The following MED23 variants were observed in gnomAD, a reference collection of about 807,000 sequenced individuals.
The protein encoded by MED23 is mediator complex subunit 23, also known as mediator of RNA polymerase II transcription subunit 23.
In MED23, 105 loss-of-function variants were observed where a neutral mutation model predicts 163.9. That is an observed-to-expected ratio of 0.64 (90% CI 0.55 to 0.75). The LOEUF (loss-of-function observed/expected upper bound fraction) is 0.75. Among genes scored for constraint, MED23 ranks in the 30% least tolerant of loss-of-function variants. MED23 has a pLI of 0.00. For missense variants in MED23, 1,054 were observed against 1,649.0 expected (o/e 0.64, Z 6.25); for synonymous variants, 561 against 565.6 (o/e 0.99, Z 0.12).
At chr6:131,625,063 G>T in intron 3 of MED23, 74 bp from the exon 4 acceptor site, 7 of 1,425,588 alleles carry the variant, frequency 4.9e-6, no homozygotes, top group Non-Finnish European at 6.9e-6. Flanking sequence ...TACTACAACT[G>T]GAAGTATACC....
chr6:131,574,316 G>T lies in MED23; in HGVS notation c.4096-21C>A, dbSNP rs372616951. 308 of 1,613,856 alleles carry T rather than the reference G, an allele frequency of 1.9e-4. No homozygotes were observed. The Middle Eastern group carries it at 3.5e-3, about 18-fold the overall frequency. On this transcript the variant is annotated intron_variant, in intron 30 of 30. Coordinates refer to the MED23 transcript ENST00000354577. ...TTTTACTGCAAAACAAATTGAGAGAGGCCAGAGGTTAGAGGCCCAAACTGC... is the reference window on the plus strand; with the variant it reads ...TTTTACTGCAAAACAAATTGAGAGATGCCAGAGGTTAGAGGCCCAAACTGC...
chr6:131,624,651 G>A (rs953849641), intron 4 of MED23, among the ~76,000 whole-genome samples: 1 of 152,152 alleles, frequency 6.6e-6, no homozygotes, highest in Non-Finnish European at 1.5e-5. Flanking sequence ...TTCAGCCCCT[G>A]GGCAGAAACA....
At chr6:131,584,832 C>T (rs922502640), downstream of MED23, among the ~76,000 whole-genome samples, 86 of 151,162 alleles carry the variant, frequency 5.7e-4, no homozygotes, top group Non-Finnish European at 8.8e-5. Context: ...CACACACACA[C>T]ACACACACAC....
rs1322037739 is a variant in MED23, at chr6:131,623,458, C to G, written c.289G>C (p.Val97Leu). The G allele has an allele frequency of 1.1e-5, 18 of 1,613,396 alleles. 1 individual carries two copies. The highest frequency in any genetic ancestry group is 1.4e-5 in the Non-Finnish European group (16 of 1,179,486). The part of the protein sequence containing the change: ...VETGLLPPRL[V>L]CESLINSDTL... ...TCAGAGTTTATCAGGGATTCACAAA[C>G]CAGCCTATAAAAAAAGAAATAGCCA... is the stretch of plus-strand genomic sequence containing the variant. The change falls in exon 5 of 29, where the codon GTT (valine) becomes CTT (leucine). Residue 97 changes from valine to leucine, a missense_variant. Around this residue, in one of 11 missense-constraint regions of MED23, gnomAD observed 227 missense variants for 235.5 expected, o/e 0.96. Coordinates refer to ENST00000368068, the MANE Select transcript of MED23 (RefSeq NM_004830.4).
Position 131,604,127 on chromosome 6 carries a change from A to G in MED23, c.1756+51T>C. On this transcript the variant is annotated intron_variant, in intron 15 of 28. Transcript: ENST00000368068. ...CCCCAGGACCTAGAAAAGTAACTTT[A>G]GAGTTAATGAATGGGTTAATAGTTA... The G allele has an allele frequency of 2.5e-6, 4 of 1,598,032 alleles. No individual in the cohort carries two copies. The South Asian group carries it at 4.4e-5, about 18-fold the overall frequency.
rs1161818885 is a variant in MED23, at chr6:131,624,850, A to C, written c.284+15T>G. 6.2e-7 allele frequency: 1 copy of C among 1,613,606 alleles called. No individual in the cohort carries two copies. The highest frequency in any genetic ancestry group is 8.5e-7 in the Non-Finnish European group (1 of 1,179,888). On this transcript the variant is annotated intron_variant, in intron 4 of 28. Transcript: ENST00000368068. ...AAAGAAAATTCTTCAGATTGCTCAT[A>C]CCCATTAAACGTACCTGGGTGGAAG... is the stretch of plus-strand genomic sequence containing the variant.
rs138100494 is a variant in MED23, at chr6:131,598,401, T to C, written c.2493A>G (p.Val831=). The C allele has an allele frequency of 2.8e-5, 45 of 1,614,056 alleles. No individual in the cohort carries two copies. The highest frequency in any genetic ancestry group is 6.7e-5 in the African/African-American group (5 of 74,932). Residue 831 remains valine, a synonymous_variant, in exon 20 of 29, where the codon GTA becomes GTG. Coordinates refer to ENST00000368068, the MANE Select transcript of MED23 (RefSeq NM_004830.4). The surrounding 1 kb of genome is among the most constrained non-coding windows in gnomAD (Gnocchi z 4.7). ...CCCCTGCTGATGTAGAAAACTCATATACCAGGAAATCTGCAAATGTCCTCA... is the reference window on the plus strand; with the variant it reads ...CCCCTGCTGATGTAGAAAACTCATACACCAGGAAATCTGCAAATGTCCTCA... The part of the protein sequence containing the change: ...AHVRTFADFL[V]YEFSTSAGGQ...
rs1267947134 is a variant in MED23, at chr6:131,594,191, G to A, written c.3140C>T (p.Thr1047Ile). The A allele has an allele frequency of 1.2e-6, 2 of 1,614,050 alleles. No homozygotes were observed. Among genetic ancestry groups the A allele is most frequent in the South Asian group, 1.1e-5 (1 of 91,086 alleles). Residue 1047 changes from threonine to isoleucine, a missense_variant, in exon 23 of 29, where the codon ACT (threonine) becomes ATT (isoleucine). By Grantham distance (89) the Thr-to-Ile change is moderately conservative. Transcript: ENST00000368068. The part of the protein sequence containing the change: ...NRPQGWCLSD[T>I]YLKCAMNARE... Reference sequence around the variant, plus strand: ...TGCATTCATAGCGCATTTCAGGTAAGTGTCACTTAGACACCAGCCCTGCGG... The same window carrying A: ...TGCATTCATAGCGCATTTCAGGTAAATGTCACTTAGACACCAGCCCTGCGG...
downstream of MED23, chr6:131,586,703 G>A: frequency 7.3e-7 from 1 of 1,372,390 alleles, no homozygotes; most frequent in South Asian, 1.4e-5. Flanking sequence ...ACACCACCTG[G>A]CACACAGCCG....
At chr6:131,593,437 A>G (rs1774801571) in intron 23 of MED23, among the ~76,000 whole-genome samples, 2 of 152,210 alleles carry the variant, frequency 1.3e-5, no homozygotes, top group South Asian at 4.1e-4. Flanking sequence ...CCTAGGTTTC[A>G]TGAGCCTATT....
chr6:131,609,506 C>CTTTTTTTTT (rs71030751), intron 11 of MED23, among the ~76,000 whole-genome samples: 3 of 98,016 alleles, frequency 3.1e-5, no homozygotes, highest in African/African-American at 4.5e-5. Flanking sequence ...GAGACTATTC[C>CTTTTTTTTT]TTTTTTTTTT....
At chr6:131,627,351 A>C in intron 3 of MED23, 45 bp downstream of exon 3, 76 of 1,177,126 alleles carry the variant, frequency 6.5e-5, no homozygotes, top group Non-Finnish European at 8.5e-5. Context: ...AAAAAAGAAG[A>C]GGCCAAAAAT....
At chr6:131,574,279 T>A (rs764610587) in exon 31 of MED23, 5 of 1,614,004 alleles carry the variant, frequency 3.1e-6, no homozygotes, top group Non-Finnish European at 4.2e-6. Flanking sequence ...ACCCTTGCTG[T>A]GTACTCTGAC....
In MED23 at chr6:131,596,071, C is replaced by A. The variant is rs1775020915; in HGVS notation, c.2871G>T (p.Gly957=). The change falls in exon 22 of 29, where the codon GGG becomes GGT. Residue 957 remains glycine (G), a synonymous_variant. Coordinates refer to ENST00000368068, the MANE Select transcript of MED23 (RefSeq NM_004830.4). ...IQSPYLPIYF[G]NVCLRFLPVF... The stretch of plus-strand genomic sequence containing the variant: ...CTGGAAGGAATCGAAGACACACATT[C>A]CCAAAATAGATGGGCAGATAGGGAG... 6.2e-7 allele frequency: 1 copy of A among 1,613,968 alleles called. No homozygotes were observed. The highest frequency in any genetic ancestry group is 1.7e-5 in the Admixed American group (1 of 60,006).
At chr6:131,587,872 G>T in intron 28 of MED23, 26 bp from the exon 29 acceptor site, 1 of 1,578,438 alleles carries the variant, frequency 6.3e-7, no homozygotes. Context: ...ACATTAAAAC[G>T]TACTTTAATC....
Position 131,628,154 on chromosome 6 carries a change from T to C in MED23, c.-105A>G. 1 of 1,353,322 alleles carries C rather than the reference T, an allele frequency of 7.4e-7. No homozygotes were observed. Among genetic ancestry groups the C allele is most frequent in the South Asian group, 1.2e-5 (1 of 85,788 alleles). The allele number at this position is 1,353,322 out of a possible 1,614,324, so 83.8% of individuals were successfully genotyped here. A position where few individuals can be genotyped will look rare whatever the true frequency, so the allele number is the denominator to read the frequency against. On this transcript the variant is annotated 5_prime_UTR_variant, in exon 1 of 29. Coordinates refer to ENST00000368068, the MANE Select transcript of MED23 (RefSeq NM_004830.4). ...GGGCGGAGACCTCTGGAGGAAACCG[T>C]AGCTCCTCGGCGTCGCTTCCTCCCC...
chr6:131,575,181 G>A (rs1773554737), intron 30 of MED23, among the ~76,000 whole-genome samples: 1 of 152,122 alleles, frequency 6.6e-6, no homozygotes, highest in Non-Finnish European at 1.5e-5. Flanking sequence ...TGTCAACTAA[G>A]GGGTCTATGA....
chr6:131,610,752 A>C (rs931203252), intron 10 of MED23, among the ~76,000 whole-genome samples: 1 of 152,186 alleles, frequency 6.6e-6, no homozygotes, highest in Non-Finnish European at 1.5e-5. Context: ...ACAGAGGTAT[A>C]TCTAAATAGC....
At chr6:131,582,544 A>G (rs955337324), downstream of MED23, 11 of 1,077,008 alleles carry the variant, frequency 1.0e-5, no homozygotes, top group Admixed American at 5.1e-5. Context: ...ACGCAATCCA[A>G]TATGTGTCTT....
Sources: allele counts gnomAD v4.1 joint callset (sites outside exome capture counted in the v4.1 genomes callset), GRCh38; gene constraint gnomAD v4.1.1; regional missense constraint gnomAD v4.1.1; non-coding constraint Gnocchi (gnomAD v3.1); transcripts MANE v1.5; gene names NCBI Gene and HGNC (gene_info 2026-07-23, HGNC 2026-07-21).